The following RGS22 variants were observed in gnomAD, a reference collection of about 807,000 sequenced individuals.
RGS22 encodes regulator of G-protein signaling 22.
Under a neutral mutation model 172.9 loss-of-function variants are expected in RGS22, and 148 were observed. That is an observed-to-expected ratio of 0.86 (90% CI 0.75 to 0.98). The LOEUF (loss-of-function observed/expected upper bound fraction) is 0.98. Among genes scored for constraint, RGS22 ranks in the 50% least tolerant of loss-of-function variants. The pLI, the probability that RGS22 is intolerant of heterozygous loss-of-function variation, is 0.00. For synonymous variants in RGS22, 458 were observed against 480.2 expected (o/e 0.95, Z 0.60); for missense variants, 1,347 against 1,440.8 (o/e 0.93, Z 1.05).
chr8:100,090,313 C>A (rs1812477708), intron 3 of RGS22, among the ~76,000 whole-genome samples: 1 of 152,030 alleles, frequency 6.6e-6, no homozygotes, highest in Admixed American at 6.6e-5. Flanking sequence ...CTAATACCAA[C>A]AATTACATGG....
chr8:100,019,307 A>G (rs1817349434), intron 14 of RGS22, among the ~76,000 whole-genome samples: 2 of 152,238 alleles, frequency 1.3e-5, no homozygotes, highest in Non-Finnish European at 2.9e-5. Flanking sequence ...TTGATTTGTT[A>G]TGTTACATTT....
chr8:100,042,311 T>C (rs947618788), intron 11 of RGS22, among the ~76,000 whole-genome samples: 1 of 152,140 alleles, frequency 6.6e-6, no homozygotes. Flanking sequence ...GAGGGGCTCT[T>C]TAGATAGGAA....
intron 14 of RGS22, among the ~76,000 whole-genome samples, chr8:100,020,301 T>C (rs544847859): frequency 6.6e-6 from 1 of 152,184 alleles, no homozygotes; most frequent in African/African-American, 2.4e-5. Context: ...ACAAAAGCCA[T>C]GGCACTATTT....
At chr8:99,989,113 G>T (rs1813413000) in intron 20 of RGS22, among the ~76,000 whole-genome samples, 1 of 151,780 alleles carries the variant, frequency 6.6e-6, no homozygotes, top group South Asian at 2.1e-4. Flanking sequence ...CATTAAAAAA[G>T]TTTCTTTCTT....
Position 100,063,452 on chromosome 8 carries a change from C to T in RGS22, c.1316G>A (p.Arg439Lys), listed in dbSNP as rs745885894. The change falls in exon 8 of 28, where the codon AGG (arginine) becomes AAG (lysine). Residue 439 changes from arginine (R) to lysine (K), a missense_variant. Transcript: ENST00000360863. ...TCCAGGATCCTTAAGAACTTTTAAC[C>T]TCTCAATATCCATCCATAGCCACCA... ...RYWWLWMDIE[R>K]LKVLKDPGRH... 3 of 1,602,678 alleles carry T rather than the reference C, an allele frequency of 1.9e-6. No individual in the cohort carries two copies. Among genetic ancestry groups the T allele is most frequent in the Non-Finnish European group, 2.6e-6 (3 of 1,174,962 alleles).
chr8:100,090,187 G>C lies in RGS22; in HGVS notation c.117+3260C>G, dbSNP rs141041078. 1.1e-3 allele frequency among the ~76,000 whole-genome samples: 166 copies of C among 152,230 alleles called. 2 individuals are homozygous for C. Among genetic ancestry groups the C allele is most frequent in the Admixed American group, 0.011 (163 of 15,274 alleles). ...CGTTACCTCACTTGATAATAATTTT[G>C]TAAGATAGTCATATTGTCTTCATAG... is the stretch of plus-strand genomic sequence containing the variant. On this transcript the variant is annotated intron_variant, in intron 3 of 27. Coordinates refer to ENST00000360863, the MANE Select transcript of RGS22 (RefSeq NM_015668.5).
rs1286916579 is a variant in RGS22, at chr8:99,977,977, T to G, written c.3459A>C (p.Arg1153Ser). 1 of 1,559,152 alleles carries G rather than the reference T, an allele frequency of 6.4e-7. No homozygotes were observed. Among genetic ancestry groups the G allele is most frequent in the Non-Finnish European group, 8.6e-7 (1 of 1,161,046 alleles). The change falls in exon 23 of 28, where the codon AGA becomes AGC. Residue 1153 changes from arginine (R) to serine (S), a missense_variant. Coordinates refer to ENST00000360863, the MANE Select transcript of RGS22 (RefSeq NM_015668.5). ...TTTTTTTCTGCTTATTATATTCTTG[T>G]CTTCTCTCTAAAACACTCATAATAT... ...DENIMSVLER[R>S]QEYNKQKKKL... is the part of the protein sequence containing the mutation.
At chr8:100,017,960 G>A (rs904264051) in intron 14 of RGS22, among the ~76,000 whole-genome samples, 2 of 152,122 alleles carry the variant, frequency 1.3e-5, no homozygotes, top group Non-Finnish European at 2.9e-5. Context: ...CTCACACACA[G>A]CTGTGGCCAA....
chr8:100,064,961 T>C (rs1285710574), intron 7 of RGS22, among the ~76,000 whole-genome samples: 2 of 152,238 alleles, frequency 1.3e-5, no homozygotes, highest in East Asian at 1.9e-4. Context: ...ATTATTTGTA[T>C]GCTTTTTCTA....
intron 14 of RGS22, among the ~76,000 whole-genome samples, chr8:100,029,561 G>C (rs1391423494): frequency 6.6e-6 from 1 of 151,912 alleles, no homozygotes; most frequent in Non-Finnish European, 1.5e-5. Context: ...ACATTAGCCA[G>C]GCGTGGTGGT....
Position 100,004,065 on chromosome 8 carries a change from A to T in RGS22, c.2488T>A (p.Ser830Thr). 6.2e-7 allele frequency: 1 copy of T among 1,602,480 alleles called. No individual in the cohort carries two copies. ...GTTCGTTTAGAGACGTTAGAGAGTG[A>T]TAAAATGCCAGTTCCAATTTCACAA... ...TTCEIGTGIL[S>T]LSNVSKRTEY... The change falls in exon 17 of 28, where the codon TCA becomes ACA. Residue 830 changes from serine (S) to threonine (T), a missense_variant. Coordinates refer to ENST00000360863, the MANE Select transcript of RGS22 (RefSeq NM_015668.5).
rs913969303 is a variant in RGS22, at chr8:100,031,574, CGT to C, written c.2166+7355_2166+7356del. 3.3e-5 allele frequency among the ~76,000 whole-genome samples: 5 copies of C among 150,908 alleles called. No homozygotes were observed. In the East Asian group the frequency reaches 5.8e-4, roughly 18 times the overall value. ...CATTTCTTACTTTTAAAATTTGGTG[CGT>C]GTGTGTGTGTGTACTTAAACATGTT... On this transcript the variant is annotated intron_variant, in intron 14 of 27. Coordinates refer to ENST00000360863, the MANE Select transcript of RGS22 (RefSeq NM_015668.5).
intron 5 of RGS22, 65 bp from the exon 6 acceptor site, chr8:100,071,602 C>A (rs966168038): frequency 7.1e-7 from 1 of 1,399,292 alleles, no homozygotes; most frequent in South Asian, 1.4e-5. Flanking sequence ...AGGGAAAAAA[C>A]CTAAAATTTT....
intron 22 of RGS22, 91 bp from the exon 23 acceptor site, chr8:99,978,166 TTAATA>T (rs1812189469): frequency 2.9e-6 from 2 of 685,688 alleles, no homozygotes; most frequent in Non-Finnish European, 4.5e-6. Context: ...TATTATATCT[TTAATA>T]TATACCATGT....
At chr8:99,975,869 T>C (rs543244500) in intron 23 of RGS22, among the ~76,000 whole-genome samples, 89 of 152,208 alleles carry the variant, frequency 5.8e-4, no homozygotes, top group African/African-American at 2.0e-3. Context: ...TTAGAATAAA[T>C]TTCTAGAAGT....
chr8:100,026,475 C>T (rs1818187796), intron 14 of RGS22, among the ~76,000 whole-genome samples: 1 of 152,130 alleles, frequency 6.6e-6, no homozygotes. Flanking sequence ...CAAGAGTAAA[C>T]AGGCAACAGT....
intron 14 of RGS22, among the ~76,000 whole-genome samples, chr8:100,009,217 A>T (rs1270646616): frequency 2.0e-5 from 3 of 152,142 alleles, no homozygotes; most frequent in African/African-American, 4.8e-5. Context: ...CAGGAGTTCA[A>T]GATGAGCCTG....
At chr8:100,033,235 T>G (rs1256023004) in intron 14 of RGS22, among the ~76,000 whole-genome samples, 1 of 151,950 alleles carries the variant, frequency 6.6e-6, no homozygotes, top group African/African-American at 2.4e-5. Context: ...CAGGAGCTGG[T>G]TTTTTGAAAA....
chr8:100,016,272 C>T (rs1816938118), intron 14 of RGS22, among the ~76,000 whole-genome samples: 1 of 152,132 alleles, frequency 6.6e-6, no homozygotes, highest in Admixed American at 6.5e-5. Context: ...GCTTCATAGA[C>T]TTCCCTGTTA....
Sources: allele counts gnomAD v4.1 joint callset (sites outside exome capture counted in the v4.1 genomes callset), GRCh38; gene constraint gnomAD v4.1.1; transcripts MANE v1.5; gene names NCBI Gene and HGNC (gene_info 2026-07-23, HGNC 2026-07-21).